The following ICE2 variants were observed in gnomAD, a reference collection of about 807,000 sequenced individuals.
The protein encoded by ICE2 is interactor of little elongation complex ELL subunit 2, also known as little elongation complex subunit 2.
ICE2 carries 87 observed loss-of-function variants against 105.4 expected under a neutral mutation model. That is an observed-to-expected ratio of 0.83 (90% confidence interval 0.69 to 0.99). The LOEUF is 0.99. Among genes scored for constraint, ICE2 ranks in the 50% least tolerant of loss-of-function variants. The pLI is 0.00. For missense variants in ICE2, 1,323 were observed against 1,146.7 expected, an observed-to-expected ratio of 1.15 and a Z score of -2.22; for synonymous variants, 399 against 392.0, an observed-to-expected ratio of 1.02 and a Z score of -0.21.
Position 60,447,713 on chromosome 15 carries a change from T to C in ICE2, c.2295+257A>G, listed in dbSNP as rs1035117601. On this transcript the variant is annotated intron_variant, in intron 11 of 15. Transcript: ENST00000261520. ...AAAAGTTTTCAAACTTTGGAGCATT[T>C]TGAATTTTGGATTAGGGCTGCTCAA... 11 of 261,786 alleles carry C rather than the reference T, an allele frequency of 4.2e-5. 1 individual carries two copies. Among genetic ancestry groups the C allele is most frequent in the Admixed American group, 1.1e-4 (2 of 19,026 alleles). The allele number at this position is 261,786 out of a possible 1,614,324, so 16.2% of individuals were successfully genotyped here.
Position 60,476,124 on chromosome 15 carries a change from C to T in ICE2, c.85G>A (p.Glu29Lys), listed in dbSNP as rs1292639114. ...GCCATGGAATGATCTTTATAATTTT[C>T]TCGAGAGAAAAATGTCTTAAGGCCA... ...KNGLKTFFSR[E>K]NYKDHSMAPS... Residue 29 changes from glutamate to lysine, a missense_variant, in exon 3 of 16, where the codon GAA becomes AAA. Coordinates refer to ENST00000261520, the MANE Select transcript of ICE2 (RefSeq NM_024611.6). 5 of 1,607,554 alleles carry T rather than the reference C, an allele frequency of 3.1e-6. No homozygotes were observed. The highest frequency in any genetic ancestry group is 2.2e-5 in the South Asian group (2 of 89,822).
rs368351851 is a variant in ICE2 at position 60,479,018 on chromosome 15, G to A, written c.-108C>T. On this transcript the variant is annotated 5_prime_UTR_variant, in exon 1 of 16. Coordinates refer to ENST00000261520, the MANE Select transcript of ICE2 (RefSeq NM_024611.6). ...TTCCGCCCACCTCATGGTCCGCGGC[G>A]GCTCTTGCCCAGGCCGCAGCCACAC... The A allele has an allele frequency of 1.4e-4, 66 of 455,994 alleles. No individual in the cohort carries two copies. In the East Asian group the frequency reaches 4.4e-3, roughly 30 times the overall value. The allele number at this position is 455,994 out of a possible 1,614,324, so 28.2% of individuals were successfully genotyped here. A position where few individuals can be genotyped will look rare whatever the true frequency, so the allele number is the denominator to read the frequency against.
intron 14 of ICE2, among the ~76,000 whole-genome samples, chr15:60,431,062 C>T (rs1326721578): frequency 1.3e-5 from 2 of 151,936 alleles, no homozygotes; most frequent in Non-Finnish European, 1.5e-5. Flanking sequence ...TTAGTAGAGA[C>T]GGGGTTTCAC....
chr15:60,425,404 A>C (rs2063319038), intron 15 of ICE2, among the ~76,000 whole-genome samples: 2 of 152,184 alleles, frequency 1.3e-5, no homozygotes, highest in Admixed American at 6.5e-5. Flanking sequence ...GAAAACCTCC[A>C]CTGCAAGACT....
At chr15:60,466,946 T>C (rs1391693140) in intron 4 of ICE2, among the ~76,000 whole-genome samples, 1 of 152,220 alleles carries the variant, frequency 6.6e-6, no homozygotes, top group African/African-American at 2.4e-5. Flanking sequence ...GCTCAGGAAC[T>C]GAGAAGTTGA....
At chr15:60,463,511 C>T (rs566571467) in intron 5 of ICE2, among the ~76,000 whole-genome samples, 113 of 152,326 alleles carry the variant, frequency 7.4e-4, no homozygotes, top group African/African-American at 2.4e-3. Context: ...CGGTGGCTCA[C>T]GCCTATAAAC....
At chr15:60,435,039 T>C (rs2063551762) in intron 13 of ICE2, among the ~76,000 whole-genome samples, 1 of 151,268 alleles carries the variant, frequency 6.6e-6, no homozygotes, top group Admixed American at 6.6e-5. Context: ...ATCTCAGCAC[T>C]TGGGAGGCCG....
At chr15:60,438,277 T>C (rs2063641309) in intron 12 of ICE2, 1 of 152,162 alleles carries the variant, frequency 6.6e-6, no homozygotes, top group African/African-American at 2.4e-5. Context: ...CTCCTAATAT[T>C]TAGGTATCAA....
intron 11 of ICE2, among the ~76,000 whole-genome samples, chr15:60,443,709 A>G (rs992709738): frequency 6.6e-6 from 1 of 152,212 alleles, no homozygotes; most frequent in Non-Finnish European, 1.5e-5. Flanking sequence ...GATTTTACCA[A>G]TAAAGCATTT....
intron 15 of ICE2, among the ~76,000 whole-genome samples, chr15:60,428,078 T>G (rs959940181): frequency 1.3e-5 from 2 of 152,182 alleles, no homozygotes; most frequent in African/African-American, 4.8e-5. Context: ...AAATACTTAA[T>G]GAAATGAAAC....
chr15:60,449,063 A>G lies in ICE2; in HGVS notation c.1904T>C (p.Ile635Thr), dbSNP rs1412619128. The change falls in exon 10 of 16, where the codon ATC (isoleucine) becomes ACC (threonine). Residue 635 changes from isoleucine to threonine, a missense_variant. Transcript: ENST00000261520. ...ATCAAATTTTTTATATACTCGTTTG[A>G]TAGGTTTTTTTAAAACACATGACTC... ...PEESCVLKKP[I>T]KRVYKKFDPV... 1.2e-6 allele frequency: 2 copies of G among 1,613,320 alleles called. No homozygotes were observed. Among genetic ancestry groups the G allele is most frequent in the Non-Finnish European group, 1.7e-6 (2 of 1,179,712 alleles).
chr15:60,468,061 C>G lies in ICE2; in HGVS notation c.408G>C (p.Leu136Phe), dbSNP rs762945821. 1.2e-6 allele frequency: 2 copies of G among 1,608,060 alleles called. No individual in the cohort carries two copies. The highest frequency in any genetic ancestry group is 2.2e-5 in the South Asian group (2 of 89,330). ...GINKNDYLQYLDMKKHVNEEV... is the reference protein window; with the variant it reads ...GINKNDYLQYFDMKKHVNEEV... ...TGAAACTGAAGAACACAATACATACCAAGTACTGCAAGTAGTCATTTTTAT... is the reference window on the plus strand; with the variant it reads ...TGAAACTGAAGAACACAATACATACGAAGTACTGCAAGTAGTCATTTTTAT... Residue 136 changes from leucine to phenylalanine, a missense_variant and splice_region_variant, in exon 4 of 16, where the codon TTG becomes TTC. Transcript: ENST00000261520.
At chr15:60,446,367 T>G (rs4775273) in intron 11 of ICE2, among the ~76,000 whole-genome samples, 79,245 of 151,918 alleles carry the variant, frequency 0.52, 22,660 homozygotes, top group East Asian at 0.84. Context: ...CTCATGCCGC[T>G]GTTATTAGCA....
intron 5 of ICE2, among the ~76,000 whole-genome samples, chr15:60,465,590 T>C (rs1331614798): frequency 6.6e-6 from 1 of 152,096 alleles, no homozygotes; most frequent in East Asian, 1.9e-4. Context: ...CTTATCCCTT[T>C]TTAAGTGTAG....
chr15:60,448,752 C>T (rs1266229163), intron 10 of ICE2, 96 bp downstream of exon 10: 1 of 1,066,408 alleles, frequency 9.4e-7, no homozygotes, highest in Non-Finnish European at 1.3e-6. Context: ...ATGACAATTA[C>T]AAAACAGGTT....
intron 12 of ICE2, chr15:60,440,372 G>T (rs1016373864): frequency 1.3e-5 from 2 of 152,206 alleles, no homozygotes; most frequent in Admixed American, 1.3e-4. Flanking sequence ...GGTGAATACG[G>T]AAGTTGCAAT....
At chr15:60,444,474 A>T (rs531962935) in intron 11 of ICE2, among the ~76,000 whole-genome samples, 24 of 152,050 alleles carry the variant, frequency 1.6e-4, no homozygotes, top group African/African-American at 5.8e-4. Flanking sequence ...AAAGTTTACT[A>T]TTTTTTTCCC....
intron 5 of ICE2, among the ~76,000 whole-genome samples, chr15:60,461,577 TGAG>T (rs983645711): frequency 3.9e-5 from 6 of 152,150 alleles, no homozygotes; most frequent in African/African-American, 1.4e-4. Flanking sequence ...TGGGGGAGAA[TGAG>T]AAGAGCATAA....
Position 60,448,890 on chromosome 15 carries a change from G to A in ICE2, c.2077C>T (p.Pro693Ser), listed in dbSNP as rs1480710737. Residue 693 changes from proline to serine, a missense_variant, in exon 10 of 16, where the codon CCG becomes TCG. Physicochemically the swap from Pro to Ser is moderately conservative, Grantham distance 74. Coordinates refer to ENST00000261520, the MANE Select transcript of ICE2 (RefSeq NM_024611.6). ...AATGCAGAAGGCCATCCAGATTTCG[G>A]CCAACTAGAGGAGTCTGAAGGACCA... Reference protein sequence around the residue: ...LSGPSDSSSWPKSGWPSAFQK... With the variant: ...LSGPSDSSSWSKSGWPSAFQK... The A allele has an allele frequency of 1.9e-6, 3 of 1,599,646 alleles. No individual in the cohort carries two copies. Among genetic ancestry groups the A allele is most frequent in the Non-Finnish European group, 2.6e-6 (3 of 1,175,804 alleles).
Sources: allele counts gnomAD v4.1 joint callset (sites outside exome capture counted in the v4.1 genomes callset), GRCh38; gene constraint gnomAD v4.1.1; transcripts MANE v1.5; gene names NCBI Gene and HGNC (gene_info 2026-07-23, HGNC 2026-07-21).